CLN6: variants seen among roughly 807,000 people sequenced by gnomAD.
The protein encoded by CLN6 is CLN6 transmembrane ER protein, also known as ceroid-lipofuscinosis neuronal protein 6.
Under a neutral mutation model 33.3 loss-of-function variants are expected in CLN6, and 22 were observed. That is an observed-to-expected ratio of 0.66 (90% confidence interval 0.47 to 0.94). The LOEUF is 0.94. Ranked by LOEUF, CLN6 falls within the 40% of genes least tolerant of loss-of-function variation. CLN6 has a pLI of 0.00. For synonymous variants in CLN6, 201 were observed against 174.6 expected, an observed-to-expected ratio of 1.15 and a Z score of -1.19; for missense variants, 387 against 417.1, an observed-to-expected ratio of 0.93 and a Z score of 0.63.
rs781449103 is a variant in CLN6 at position 68,208,190 on chromosome 15, C to G, written c.886G>C (p.Val296Leu). 6.2e-7 allele frequency: 1 copy of G among 1,611,902 alleles called. No individual in the cohort carries two copies. The highest frequency in any genetic ancestry group is 1.3e-5 in the African/African-American group (1 of 74,418). Residue 296 changes from valine (V) to leucine (L), a missense_variant, in exon 7 of 7, where the codon GTC becomes CTC. Coordinates refer to ENST00000249806, the MANE Select transcript of CLN6 (RefSeq NM_017882.3). This position sits in a 1 kb window ranked among gnomAD's most constrained non-coding sequence, Gnocchi z 5.8. ...GTGTAGAAAGCCCAGGGCTCAGGGA[C>G]GTAGATGACACCCGGGTACTTCTTC... is the stretch of plus-strand genomic sequence containing the variant. ...LRKKYPGVIY[V>L]PEPWAFYTLH...
chr15:68,231,864 G>A (rs2093269095), upstream of CLN6, among the ~76,000 whole-genome samples: 1 of 152,274 alleles, frequency 6.6e-6, no homozygotes, highest in Non-Finnish European at 1.5e-5. Context: ...CATCCCACCA[G>A]GACACTTTAA....
intron 1 of CLN6, among the ~76,000 whole-genome samples, chr15:68,250,299 T>C (rs1484928286): frequency 6.6e-6 from 1 of 151,454 alleles, no homozygotes; most frequent in East Asian, 1.9e-4. Context: ...CCAATAGCTA[T>C]GGGATAAATT....
chr15:68,254,631 C>A (rs1892414470), intron 1 of CLN6: 1 of 659,268 alleles, frequency 1.5e-6, no homozygotes, highest in South Asian at 1.7e-5. Context: ...GCCGCCACCA[C>A]CGTGCCCAGG....
Position 68,241,009 on chromosome 15 carries a change from A to G in CLN6, c.179+15681T>C, listed in dbSNP as rs575457484. On this transcript the variant is annotated intron_variant, in intron 1 of 6. Transcript: ENST00000538696. The surrounding 1 kb of genome is among the most constrained non-coding windows in gnomAD (Gnocchi z 4.2). ...CCAAAAAAAAAAAACAAAAAAAAAA[A>G]CACAGTAGCATTCACAAATAAGCAA... Among the ~76,000 whole-genome samples, 1 of 151,912 alleles carries G rather than the reference A, an allele frequency of 6.6e-6. No individual in the cohort carries two copies. Among genetic ancestry groups the G allele is most frequent in the Non-Finnish European group, 1.5e-5 (1 of 67,966 alleles).
At chr15:68,221,163 TTC>T (rs1438408960) in intron 1 of CLN6, among the ~76,000 whole-genome samples, 1 of 151,998 alleles carries the variant, frequency 6.6e-6, no homozygotes, top group African/African-American at 2.4e-5. Context: ...CAGCTTGCTA[TTC>T]TGTTTTTGAT....
chr15:68,229,698 G>A lies in CLN6; in HGVS notation c.-114C>T, dbSNP rs1321266541. 6.2e-6 allele frequency: 5 copies of A among 806,784 alleles called. No homozygotes were observed. In the East Asian group the frequency reaches 1.5e-4, roughly 23 times the overall value. The allele number at this position is 806,784 out of a possible 1,614,324, so 50.0% of individuals were successfully genotyped here. A position where few individuals can be genotyped will look rare whatever the true frequency, so the allele number is the denominator to read the frequency against. ...AGCGCGGGGCGGTTCGGGGCGGGCC[G>A]GCGAGAGCGCGCGGCCCTCGGGAGG... On this transcript the variant is annotated 5_prime_UTR_variant, in exon 1 of 7. Transcript: ENST00000249806.
At position 68,209,967 on chromosome 15, in the gene CLN6, T is replaced by C. The variant is rs143156186; in HGVS notation, c.543-208A>G. Among the ~76,000 whole-genome samples, 7 of 152,238 alleles carry C rather than the reference T, an allele frequency of 4.6e-5. No individual in the cohort carries two copies. The highest frequency in any genetic ancestry group is 1.7e-4 in the African/African-American group (7 of 41,538). ...AACAGAAACAGGAAGGCAACGCACG[T>C]GTGAGTCAGAGGCCCAGAGGCATCC... is the stretch of plus-strand genomic sequence containing the variant. On this transcript the variant is annotated intron_variant, in intron 5 of 6. Transcript: ENST00000249806. The surrounding 1 kb of genome is among the most constrained non-coding windows in gnomAD (Gnocchi z 4.9).
At chr15:68,222,800 G>C (rs945187453) in intron 1 of CLN6, among the ~76,000 whole-genome samples, 11 of 152,200 alleles carry the variant, frequency 7.2e-5, no homozygotes, top group Admixed American at 4.6e-4. Flanking sequence ...CTTCTGCCTT[G>C]GGATGCTGTT....
rs553181853 is a variant in CLN6, at chr15:68,227,385, G to A, written c.83+2117C>T. 2.0e-5 allele frequency among the ~76,000 whole-genome samples: 3 copies of A among 152,346 alleles called. No homozygotes were observed. The South Asian group carries it at 6.2e-4, about 32-fold the overall frequency. On this transcript the variant is annotated intron_variant, in intron 1 of 6. Coordinates refer to ENST00000249806, the MANE Select transcript of CLN6 (RefSeq NM_017882.3). This position sits in a 1 kb window ranked among gnomAD's most constrained non-coding sequence, Gnocchi z 4.1. ...AATACAAAAACTGGCAACAAAGCAGGTGGACGTTGGAATGGGTTACCTTAA... is the reference window on the plus strand; with the variant it reads ...AATACAAAAACTGGCAACAAAGCAGATGGACGTTGGAATGGGTTACCTTAA...
chr15:68,239,915 A>T (rs1273619199), intron 1 of CLN6, among the ~76,000 whole-genome samples: 1 of 152,226 alleles, frequency 6.6e-6, no homozygotes, highest in African/African-American at 2.4e-5. Flanking sequence ...ACAATCATAG[A>T]TTTAACTTAA....
In CLN6 at chr15:68,241,002, A is replaced by G. The variant is rs12442079; in HGVS notation, c.179+15688T>C. ...CCATCTCCCAAAAAAAAAAAACAAA[A>G]AAAAAAACACAGTAGCATTCACAAA... On this transcript the variant is annotated intron_variant, in intron 1 of 6. Coordinates refer to the CLN6 transcript ENST00000538696. The surrounding 1 kb of genome is among the most constrained non-coding windows in gnomAD (Gnocchi z 4.2). 2.0e-5 allele frequency among the ~76,000 whole-genome samples: 3 copies of G among 151,178 alleles called. No individual in the cohort carries two copies. In the South Asian group the frequency reaches 6.3e-4, roughly 32 times the overall value.
At position 68,209,320 on chromosome 15, in the gene CLN6, G is replaced by A. The variant is rs1030451085; in HGVS notation, c.665+317C>T. Among the ~76,000 whole-genome samples, 4 of 152,192 alleles carry A rather than the reference G, an allele frequency of 2.6e-5. No individual in the cohort carries two copies. Among genetic ancestry groups the A allele is most frequent in the Non-Finnish European group, 4.4e-5 (3 of 68,032 alleles). On this transcript the variant is annotated intron_variant, in intron 6 of 6. Transcript: ENST00000249806. The surrounding 1 kb of genome is among the most constrained non-coding windows in gnomAD (Gnocchi z 4.9). ...CACTACAGGGCTTGGTGTCGGAGGT[G>A]GATTGTACCGGCCCCAGGGCAACAC...
In CLN6 at chr15:68,240,966, A is replaced by G. The variant is rs190604417; in HGVS notation, c.179+15724T>C. ...ACCACTGCACTCCAGCCTGGGCGAC[A>G]GAAGGAGCCTCCATCTCCCAAAAAA... On this transcript the variant is annotated intron_variant, in intron 1 of 6. Transcript: ENST00000538696. 2.2e-3 allele frequency among the ~76,000 whole-genome samples: 339 copies of G among 150,936 alleles called. 4 individuals carry two copies. The highest frequency in any genetic ancestry group is 7.9e-3 in the African/African-American group (324 of 41,040).
intron 2 of CLN6, among the ~76,000 whole-genome samples, chr15:68,215,881 C>T (rs1443574903): frequency 1.3e-5 from 2 of 152,202 alleles, no homozygotes; most frequent in South Asian, 2.1e-4. Flanking sequence ...GGGGTGTTCC[C>T]GAAACTGTCA....
intron 2 of CLN6, chr15:68,215,283 CTT>C (rs1555438969): frequency 6.6e-6 from 1 of 152,072 alleles, no homozygotes; most frequent in Admixed American, 6.6e-5. Flanking sequence ...CTCTCTCTCT[CTT>C]ACTCAGTGTG....
Position 68,210,396 on chromosome 15 carries a change from A to T in CLN6, c.543-637T>A. 6.6e-6 allele frequency among the ~76,000 whole-genome samples: 1 copy of T among 152,142 alleles called. No homozygotes were observed. Among genetic ancestry groups the T allele is most frequent in the Non-Finnish European group, 1.5e-5 (1 of 68,010 alleles). ...CCCTTCCCCAACCTTCTGTGGGAAG[A>T]GGCTCTGGCAAAGGCCAGGGAAAGA... On this transcript the variant is annotated intron_variant, in intron 5 of 6. Coordinates refer to ENST00000249806, the MANE Select transcript of CLN6 (RefSeq NM_017882.3). The surrounding 1 kb of genome is among the most constrained non-coding windows in gnomAD (Gnocchi z 5.6).
rs1892283088 is a variant in CLN6, at chr15:68,241,926, C to T, written c.179+14764G>A. On this transcript the variant is annotated intron_variant, in intron 1 of 6. Transcript: ENST00000538696. This position sits in a 1 kb window ranked among gnomAD's most constrained non-coding sequence, Gnocchi z 4.2. ...ATAAACAAACAAATAAGAAATTCAG[C>T]AGTATATTACAAAGACTCTATAAGC... Among the ~76,000 whole-genome samples the T allele has an allele frequency of 6.6e-6, 1 of 152,122 alleles. No individual in the cohort carries two copies. Among genetic ancestry groups the T allele is most frequent in the African/African-American group, 2.4e-5 (1 of 41,416 alleles).
In CLN6 at chr15:68,226,489, G is replaced by A. The variant is rs149604836; in HGVS notation, c.83+3013C>T. On this transcript the variant is annotated intron_variant, in intron 1 of 6. Transcript: ENST00000249806. ...ATCCCTTTTTTTTCTTTTTTGAGAC[G>A]GAGTCTCACTCTTGTTGCCCAGGCT... 5.8e-3 allele frequency among the ~76,000 whole-genome samples: 876 copies of A among 151,692 alleles called. 10 individuals carry two copies. Among genetic ancestry groups the A allele is most frequent in the African/African-American group, 0.02 (832 of 41,352 alleles).
At chr15:68,230,608 T>A (rs1350582767), upstream of CLN6, among the ~76,000 whole-genome samples, 1 of 152,212 alleles carries the variant, frequency 6.6e-6, no homozygotes, top group African/African-American at 2.4e-5. The surrounding 1 kb of genome is among the most constrained non-coding windows in gnomAD (Gnocchi z 4.0). Context: ...GCTCAACCCC[T>A]CACAGCTTCA....
Sources: allele counts gnomAD v4.1 joint callset (sites outside exome capture counted in the v4.1 genomes callset), GRCh38; gene constraint gnomAD v4.1.1; non-coding constraint Gnocchi (gnomAD v3.1); transcripts MANE v1.5; gene names NCBI Gene and HGNC (gene_info 2026-07-23, HGNC 2026-07-21).